ZRANB1: variants seen among roughly 807,000 people sequenced by gnomAD.
The protein encoded by ZRANB1 is ubiquitin thioesterase ZRANB1.
Under a neutral mutation model 80.5 loss-of-function variants are expected in ZRANB1, and 16 were observed. The ratio of observed to expected loss-of-function variants is 0.20; its 90% CI spans 0.13 to 0.30. The LOEUF (loss-of-function observed/expected upper bound fraction) is 0.30, where lower values mean the gene tolerates loss of function less well. Ranked by LOEUF, ZRANB1 falls within the 10% of genes least tolerant of loss-of-function variation. ZRANB1 has a pLI of 1.00. For missense variants in ZRANB1, 576 were observed against 862.6 expected (o/e 0.67, Z 4.16); for synonymous variants, 291 against 293.1 (o/e 0.99, Z 0.07).
intron 6 of ZRANB1, 97 bp downstream of exon 6, chr10:124,981,926 A>G: frequency 6.8e-7 from 1 of 1,460,464 alleles, no homozygotes; most frequent in Middle Eastern, 1.7e-4. Flanking sequence ...CAATGTGGTC[A>G]AAGAAAAGAA....
intron 5 of ZRANB1, among the ~76,000 whole-genome samples, chr10:124,979,595 C>T (rs1270653976): frequency 6.6e-6 from 1 of 152,092 alleles, no homozygotes; most frequent in African/African-American, 2.4e-5. Context: ...TTTTGTCTAG[C>T]CCAAGGTCAC....
At chr10:124,919,955 T>C in the ZRANB1 span, among the ~76,000 whole-genome samples, 1 of 124,166 alleles carries the variant, frequency 8.1e-6, no homozygotes, top group South Asian at 3.0e-4. Flanking sequence ...CTCATCACTG[T>C]GTTGCCCAGG....
At chr10:124,959,460 CTT>C (rs771950131) in intron 1 of ZRANB1, among the ~76,000 whole-genome samples, 3 of 145,512 alleles carry the variant, frequency 2.1e-5, no homozygotes, top group Admixed American at 1.4e-4. Flanking sequence ...CAGTGGTAAA[CTT>C]TTTTTTTTTT....
intron 1 of ZRANB1, among the ~76,000 whole-genome samples, chr10:124,959,675 G>A (rs946767704): frequency 1.3e-5 from 2 of 152,116 alleles, no homozygotes; most frequent in African/African-American, 2.4e-5. Flanking sequence ...TCCCAGGCTG[G>A]TCTTGAACTG....
chr10:124,943,392 C>G, intron 1 of ZRANB1, 85 bp downstream of exon 1: 1 of 1,334,692 alleles, frequency 7.5e-7, no homozygotes. Flanking sequence ...CGCTGACACA[C>G]GTTTGTGGTC....
At position 124,985,000 on chromosome 10, in the gene ZRANB1, A is replaced by C; in HGVS notation, c.*8A>C. 1 of 1,598,918 alleles carries C rather than the reference A, an allele frequency of 6.3e-7. No individual in the cohort carries two copies. ...GATGATGAAGATGAATGAAAAAAAAAATCAAACAGCAGAAGACCAAGGCAT... is the reference window on the plus strand; with the variant it reads ...GATGATGAAGATGAATGAAAAAAAACATCAAACAGCAGAAGACCAAGGCAT... On this transcript the variant is annotated 3_prime_UTR_variant, in exon 9 of 9. Transcript: ENST00000359653.
the ZRANB1 span, among the ~76,000 whole-genome samples, chr10:124,933,359 A>C: frequency 6.6e-6 from 1 of 151,970 alleles, no homozygotes; most frequent in African/African-American, 2.4e-5. Context: ...GGCTGGTCTC[A>C]AACTCCTGAC....
At chr10:124,957,078 T>G (rs1226410742) in intron 1 of ZRANB1, among the ~76,000 whole-genome samples, 1 of 152,226 alleles carries the variant, frequency 6.6e-6, no homozygotes, top group African/African-American at 2.4e-5. Context: ...ACCAATAGTT[T>G]CAGTAATTGC....
chr10:124,923,857 G>T, the ZRANB1 span, among the ~76,000 whole-genome samples: 3 of 151,650 alleles, frequency 2.0e-5, no homozygotes, highest in African/African-American at 7.3e-5. Flanking sequence ...TGACACATGG[G>T]GATTACAGTT....
intron 1 of ZRANB1, among the ~76,000 whole-genome samples, chr10:124,946,714 G>A (rs1460335669): frequency 6.6e-6 from 1 of 152,164 alleles, no homozygotes; most frequent in Admixed American, 6.5e-5. Flanking sequence ...ATATTCTGAT[G>A]TGTAAACATA....
rs1054129358 is a variant in ZRANB1, at chr10:124,986,135, A to T, written c.*1143A>T. ...TTAGGTAGAAAAACTTTTTTATAAG[A>T]AGTATTATTTGACCACTTCAGGTAT... On this transcript the variant is annotated 3_prime_UTR_variant, in exon 9 of 9. Coordinates refer to ENST00000359653, the MANE Select transcript of ZRANB1 (RefSeq NM_017580.3). 1 of 152,604 alleles carries T rather than the reference A, an allele frequency of 6.6e-6. No individual in the cohort carries two copies. Among genetic ancestry groups the T allele is most frequent in the Non-Finnish European group, 1.5e-5 (1 of 68,040 alleles). The allele number at this position is 152,604 out of a possible 1,614,324, so 9.5% of individuals were successfully genotyped here. A position where few individuals can be genotyped will look rare whatever the true frequency, so the allele number is the denominator to read the frequency against.
chr10:124,934,967 G>A, the ZRANB1 span, among the ~76,000 whole-genome samples: 4 of 152,216 alleles, frequency 2.6e-5, no homozygotes, highest in East Asian at 3.8e-4. Flanking sequence ...GAAGCCATGT[G>A]AGAACAGTAT....
intron 1 of ZRANB1, among the ~76,000 whole-genome samples, chr10:124,958,403 A>C (rs1000435770): frequency 1.3e-5 from 2 of 152,196 alleles, no homozygotes; most frequent in Admixed American, 6.5e-5. Flanking sequence ...CGACAGAGCA[A>C]GGCTCCATCT....
the ZRANB1 span, among the ~76,000 whole-genome samples, chr10:124,927,436 C>T: frequency 6.6e-6 from 1 of 152,182 alleles, no homozygotes; most frequent in Non-Finnish European, 1.5e-5. Flanking sequence ...TAAACCACTT[C>T]TAAATCCTTT....
chr10:124,937,125 A>G (rs972844124), upstream of ZRANB1, among the ~76,000 whole-genome samples: 13 of 151,660 alleles, frequency 8.6e-5, no homozygotes, highest in African/African-American at 1.7e-4. Context: ...ACTACTGGCA[A>G]TTGAGCTTAT....
chr10:124,931,629 C>T, the ZRANB1 span, among the ~76,000 whole-genome samples: 1 of 152,134 alleles, frequency 6.6e-6, no homozygotes, highest in Admixed American at 6.5e-5. Flanking sequence ...CCTCAGCCTC[C>T]CAAAATGCTG....
At chr10:124,968,486 A>C (rs973207223) in intron 2 of ZRANB1, among the ~76,000 whole-genome samples, 11 of 152,194 alleles carry the variant, frequency 7.2e-5, no homozygotes, top group Non-Finnish European at 1.5e-4. Context: ...TGAAAACAAA[A>C]GGGCAGGCTT....
chr10:124,924,357 T>G, the ZRANB1 span, among the ~76,000 whole-genome samples: 1 of 151,918 alleles, frequency 6.6e-6, no homozygotes. Flanking sequence ...ATTCACCCCT[T>G]TAAAGTATAC....
chr10:124,951,422 C>T (rs1477557477), intron 1 of ZRANB1, among the ~76,000 whole-genome samples: 2 of 152,004 alleles, frequency 1.3e-5, no homozygotes, highest in South Asian at 2.1e-4. Context: ...AGAAAATTAC[C>T]ATGTCAAAAC....
Sources: allele counts gnomAD v4.1 joint callset (sites outside exome capture counted in the v4.1 genomes callset), GRCh38; gene constraint gnomAD v4.1.1; transcripts MANE v1.5; gene names NCBI Gene and HGNC (gene_info 2026-07-23, HGNC 2026-07-21).